HIP1: variants seen among roughly 807,000 people sequenced by gnomAD.
The protein encoded by HIP1 is huntingtin-interacting protein 1.
A neutral mutation model predicts 147.6 loss-of-function variants in HIP1; 65 were observed. The ratio of observed to expected loss-of-function variants is 0.44; its 90% CI spans 0.36 to 0.54. HIP1 has a LOEUF of 0.54. HIP1 is among the 20% of genes least tolerant of loss of function. HIP1 has a pLI of 0.00. For synonymous variants in HIP1, 479 were observed against 504.0 expected, an observed-to-expected ratio of 0.95 and a Z score of 0.67; for missense variants, 1,061 against 1,299.6, an observed-to-expected ratio of 0.82 and a Z score of 2.82.
At chr7:75,548,092 G>A (rs587682277) in intron 23 of HIP1, among the ~76,000 whole-genome samples, 4 of 151,870 alleles carry the variant, frequency 2.6e-5, no homozygotes, top group African/African-American at 4.8e-5. Flanking sequence ...TGAGCGGTAC[G>A]ATCTCGGCTC....
chr7:75,635,122 A>G (rs1554509470), intron 1 of HIP1, among the ~76,000 whole-genome samples: 1 of 152,110 alleles, frequency 6.6e-6, no homozygotes, highest in African/African-American at 2.4e-5. Context: ...ACCCTCCATC[A>G]TCAACCCCTA....
chr7:75,660,120 G>A (rs567552792), intron 1 of HIP1, among the ~76,000 whole-genome samples: 4 of 150,644 alleles, frequency 2.7e-5, no homozygotes, highest in South Asian at 4.2e-4. Context: ...GCAAGACTCC[G>A]TCTCAAAAAA....
chr7:75,665,085 C>T (rs145903441), intron 1 of HIP1, among the ~76,000 whole-genome samples: 129 of 152,016 alleles, frequency 8.5e-4, no homozygotes, highest in African/African-American at 2.8e-3. Context: ...TATAGTGAGA[C>T]CCTGTTTCTA....
rs142375317 is a variant in HIP1, at chr7:75,680,477, G to C, written c.120+58324C>G. Among the ~76,000 whole-genome samples the C allele has an allele frequency of 2.0e-5, 3 of 152,036 alleles. No individual in the cohort carries two copies. The East Asian group carries it at 5.8e-4, about 29-fold the overall frequency. Reference sequence around the variant, plus strand: ...AAGCCTCTCTTTCATCCATCCTCTCGCCTCATTCAAATCTTTCTGGGGTTG... The same window carrying C: ...AAGCCTCTCTTTCATCCATCCTCTCCCCTCATTCAAATCTTTCTGGGGTTG... On this transcript the variant is annotated intron_variant, in intron 1 of 30. Coordinates refer to ENST00000336926, the MANE Select transcript of HIP1 (RefSeq NM_005338.7).
chr7:75,589,331 GAA>G (rs1250240647), intron 4 of HIP1, among the ~76,000 whole-genome samples: 4 of 151,922 alleles, frequency 2.6e-5, no homozygotes, highest in Non-Finnish European at 5.9e-5. Context: ...AGAAAAAACT[GAA>G]AGAGTGGTTT....
intron 1 of HIP1, among the ~76,000 whole-genome samples, chr7:75,708,013 G>A (rs1584967493): frequency 6.9e-6 from 1 of 145,060 alleles, no homozygotes; most frequent in East Asian, 2.0e-4. Context: ...GAAAACCTAG[G>A]CATTACCATT....
At chr7:75,616,830 T>C (rs1195926028) in intron 1 of HIP1, among the ~76,000 whole-genome samples, 5 of 152,180 alleles carry the variant, frequency 3.3e-5, no homozygotes, top group Non-Finnish European at 5.9e-5. Context: ...CTCCTCCTCA[T>C]GTTTACCAGG....
chr7:75,725,496 C>T (rs1801623816), intron 1 of HIP1, among the ~76,000 whole-genome samples: 1 of 152,144 alleles, frequency 6.6e-6, no homozygotes, highest in African/African-American at 2.4e-5. Context: ...CTCCCCTGCA[C>T]CCAAAGATAA....
chr7:75,628,219 CTTTG>C (rs1798105818), intron 1 of HIP1, among the ~76,000 whole-genome samples: 2 of 152,182 alleles, frequency 1.3e-5, no homozygotes, highest in South Asian at 2.1e-4. Flanking sequence ...AGGCAGGAAT[CTTTG>C]TTTGGTTCAG....
intron 1 of HIP1, among the ~76,000 whole-genome samples, chr7:75,685,242 G>A (rs1024157643): frequency 3.4e-5 from 5 of 147,856 alleles, no homozygotes; most frequent in South Asian, 2.2e-4. Context: ...GTGAGACCCC[G>A]TTTCTACCAA....
At chr7:75,643,764 C>T (rs1798720998) in intron 1 of HIP1, among the ~76,000 whole-genome samples, 1 of 152,140 alleles carries the variant, frequency 6.6e-6, no homozygotes, top group African/African-American at 2.4e-5. Flanking sequence ...CTTTGGGAGG[C>T]CCAGGTGGGT....
intron 1 of HIP1, among the ~76,000 whole-genome samples, chr7:75,639,512 T>G (rs1199160686): frequency 6.7e-6 from 1 of 148,260 alleles, no homozygotes; most frequent in Non-Finnish European, 1.5e-5. Context: ...GAGTTCCCGG[T>G]GGCGGGGATC....
intron 1 of HIP1, among the ~76,000 whole-genome samples, chr7:75,610,608 C>T (rs917432530): frequency 6.6e-6 from 1 of 151,888 alleles, no homozygotes; most frequent in African/African-American, 2.4e-5. Flanking sequence ...AGCACAAGGA[C>T]CCTGCCTTCT....
In HIP1 at chr7:75,534,379, C is replaced by G. The variant is rs1400928321; in HGVS notation, c.*3793G>C. ...ACTAGTCTCATTTAAACTCCTTGCT[C>G]AGATATAAAATAACCCTGCCAAGAT... On this transcript the variant is annotated 3_prime_UTR_variant, in exon 31 of 31. Transcript: ENST00000336926. 4.9e-6 allele frequency: 1 copy of G among 204,548 alleles called. No individual in the cohort carries two copies. The highest frequency in any genetic ancestry group is 2.3e-5 in the African/African-American group (1 of 43,808). 12.7% of individuals were successfully genotyped at this position (204,548 alleles called of 1,614,324 possible). A position where few individuals can be genotyped will look rare whatever the true frequency, so the allele number is the denominator to read the frequency against.
chr7:75,660,052 A>T (rs112053587), intron 1 of HIP1, among the ~76,000 whole-genome samples: 4 of 150,344 alleles, frequency 2.7e-5, no homozygotes, highest in Admixed American at 6.6e-5. Context: ...CGTGAACCGG[A>T]GAAGCGGAGG....
chr7:75,583,685 G>C (rs1438498268), intron 5 of HIP1, among the ~76,000 whole-genome samples: 1 of 151,646 alleles, frequency 6.6e-6, no homozygotes, highest in Non-Finnish European at 1.5e-5. Context: ...GAATTCCTGG[G>C]CTCAAGTGAT....
At chr7:75,597,280 T>C (rs1278779678) in intron 2 of HIP1, among the ~76,000 whole-genome samples, 1 of 152,150 alleles carries the variant, frequency 6.6e-6, no homozygotes, top group African/African-American at 2.4e-5. Flanking sequence ...CACTAAGCAA[T>C]GCTGGGCTTC....
intron 1 of HIP1, among the ~76,000 whole-genome samples, chr7:75,657,531 A>G (rs1799179297): frequency 6.6e-6 from 1 of 151,826 alleles, no homozygotes; most frequent in South Asian, 2.1e-4. Context: ...TGTCTCAAAA[A>G]AAAAAAAAAA....
chr7:75,675,547 A>G (rs1463135565), intron 1 of HIP1, among the ~76,000 whole-genome samples: 18 of 151,362 alleles, frequency 1.2e-4, no homozygotes, highest in African/African-American at 3.4e-4. Context: ...CAATTCTGTC[A>G]TTTTCTTTTT....
Sources: gnomAD v4.1 joint callset for allele counts (sites outside exome capture counted in the v4.1 genomes callset) on GRCh38, gnomAD v4.1.1 for gene constraint, MANE v1.5 for transcripts, NCBI Gene and HGNC (gene_info 2026-07-23, HGNC 2026-07-21) for gene names.